The following ATP6V0A2 variants were observed in gnomAD, a reference collection of about 807,000 sequenced individuals.
The protein encoded by ATP6V0A2 is V-type proton ATPase 116 kDa subunit a 2.
ATP6V0A2 carries 58 observed loss-of-function variants against 104.4 expected under a neutral mutation model. The observed-to-expected ratio is 0.56, with a 90% CI of 0.45 to 0.69. ATP6V0A2 has a LOEUF of 0.69. Ranked by LOEUF, ATP6V0A2 falls within the 30% of genes least tolerant of loss-of-function variation. ATP6V0A2 has a pLI of 0.00. For missense variants in ATP6V0A2, 938 were observed against 1,062.9 expected (o/e 0.88, Z 1.63); for synonymous variants, 376 against 397.9 (o/e 0.95, Z 0.65).
In ATP6V0A2 at chr12:123,748,571, C is replaced by G; in HGVS notation, c.1725-4C>G. The G allele has an allele frequency of 1.2e-6, 2 of 1,610,002 alleles. No individual in the cohort carries two copies. Reference sequence around the variant, plus strand: ...TGGGTTGATTGATTCCTTTTCTTTCCTAGGCACTTCAGGAAGAAGTTCAAC... The same window carrying G: ...TGGGTTGATTGATTCCTTTTCTTTCGTAGGCACTTCAGGAAGAAGTTCAAC... On this transcript the variant is annotated splice_polypyrimidine_tract_variant and splice_region_variant and intron_variant, in intron 14 of 19. Coordinates refer to ENST00000330342, the MANE Select transcript of ATP6V0A2 (RefSeq NM_012463.4).
At chr12:123,727,537 A>T (rs1037174962) in intron 5 of ATP6V0A2, among the ~76,000 whole-genome samples, 4 of 152,156 alleles carry the variant, frequency 2.6e-5, no homozygotes, top group African/African-American at 9.7e-5. Flanking sequence ...TCGGCCTCCC[A>T]AAGTGCTGGG....
rs754014350 is a variant in ATP6V0A2 at position 123,756,815 on chromosome 12, A to G, written c.2294A>G (p.Gln765Arg). ...RLWALSLAHA[Q>R]LSDVLWAMLM... is the part of the protein sequence containing the mutation. Reference sequence around the variant, plus strand: ...CTGTGCAGGCTGCACTCCTTTGCAGAGTTGTCTGATGTCCTGTGGGCCATG... The same window carrying G: ...CTGTGCAGGCTGCACTCCTTTGCAGGGTTGTCTGATGTCCTGTGGGCCATG... The change falls in exon 19 of 20, where the codon CAG (glutamine) becomes CGG (arginine). Residue 765 changes from glutamine (Q) to arginine (R), a missense_variant and splice_region_variant. Transcript: ENST00000330342. 9 of 1,613,632 alleles carry G rather than the reference A, an allele frequency of 5.6e-6. No homozygotes were observed. Among genetic ancestry groups the G allele is most frequent in the Non-Finnish European group, 6.8e-6 (8 of 1,180,026 alleles).
chr12:123,731,516 G>A (rs1566279805), intron 6 of ATP6V0A2: 1 of 152,206 alleles, frequency 6.6e-6, no homozygotes, highest in South Asian at 2.1e-4. Context: ...GCCTTAAGTG[G>A]TTGTGTTCCT....
chr12:123,733,907 C>G lies in ATP6V0A2; in HGVS notation c.649-19C>G, dbSNP rs542748635. The G allele has an allele frequency of 1.3e-6, 2 of 1,576,378 alleles. No homozygotes were observed. Among genetic ancestry groups the G allele is most frequent in the East Asian group, 4.5e-5 (2 of 44,674 alleles). ...TTATACACGCAGAAATAACACTTAT[C>G]CTTATTCATTCTTTGTAGGGGGAAG... On this transcript the variant is annotated intron_variant, in intron 6 of 19. Transcript: ENST00000330342.
rs544330341 is a variant in ATP6V0A2, at chr12:123,760,716, C to CT, written c.*2685dup. 2 of 152,292 alleles carry CT rather than the reference C, an allele frequency of 1.3e-5. No individual in the cohort carries two copies. The highest frequency in any genetic ancestry group is 4.1e-4 in the South Asian group (2 of 4,822). The allele number at this position is 152,292 out of a possible 1,614,324, so 9.4% of individuals were successfully genotyped here. On this transcript the variant is annotated 3_prime_UTR_variant, in exon 20 of 20. Coordinates refer to ENST00000330342, the MANE Select transcript of ATP6V0A2 (RefSeq NM_012463.4). ...TTGATTCAACCTGCTGGGCTGGAGACTGTAATTGCCGTGGTCAGTTAAGGA... is the reference window on the plus strand; with the variant it reads ...TTGATTCAACCTGCTGGGCTGGAGACTTGTAATTGCCGTGGTCAGTTAAGGA...
In ATP6V0A2 at chr12:123,712,609, T is replaced by A. The variant is rs781412434; in HGVS notation, c.44T>A (p.Leu15His). The A allele has an allele frequency of 2.5e-6, 4 of 1,605,064 alleles. No homozygotes were observed. Among genetic ancestry groups the A allele is most frequent in the Non-Finnish European group, 1.7e-6 (2 of 1,176,908 alleles). ...AGCGAGACCATGTGCCTGGCGCAGC[T>A]CTTCCTGCAGTCGGGCACGGCCTAC... ...FRSETMCLAQ[L>H]FLQSGTAYEC... The change falls in exon 1 of 20, where the codon CTC (leucine) becomes CAC (histidine). Residue 15 changes from leucine to histidine, a missense_variant. Physicochemically the swap from Leu to His is moderately conservative, Grantham distance 99 (BLOSUM62 -3). Transcript: ENST00000330342.
At position 123,760,690 on chromosome 12, in the gene ATP6V0A2, T is replaced by A. The variant is rs960144073; in HGVS notation, c.*2658T>A. ...AAGGGATTTCTTCAGTAAACTAGAC[T>A]TTGATTCAACCTGCTGGGCTGGAGA... On this transcript the variant is annotated 3_prime_UTR_variant, in exon 20 of 20. Coordinates refer to ENST00000330342, the MANE Select transcript of ATP6V0A2 (RefSeq NM_012463.4). 2.0e-5 allele frequency: 3 copies of A among 152,222 alleles called. No individual in the cohort carries two copies. The highest frequency in any genetic ancestry group is 7.2e-5 in the African/African-American group (3 of 41,460). The allele number at this position is 152,222 out of a possible 1,614,324, so 9.4% of individuals were successfully genotyped here.
chr12:123,754,407 T>C lies in ATP6V0A2; in HGVS notation c.2176-13T>C, dbSNP rs1365312890. ...ATCATGACTCTTAACATATGTTGTG[T>C]GATCTCTCTCAGTTTAATTTTGGAG... On this transcript the variant is annotated splice_polypyrimidine_tract_variant and intron_variant, in intron 17 of 19. Coordinates refer to ENST00000330342, the MANE Select transcript of ATP6V0A2 (RefSeq NM_012463.4). 1.9e-6 allele frequency: 3 copies of C among 1,563,660 alleles called. No homozygotes were observed. Among genetic ancestry groups the C allele is most frequent in the Admixed American group, 3.3e-5 (2 of 59,978 alleles).
chr12:123,759,571 A>G lies in ATP6V0A2; in HGVS notation c.*1539A>G, dbSNP rs1956791588. 1 of 152,194 alleles carries G rather than the reference A, an allele frequency of 6.6e-6. No homozygotes were observed. The highest frequency in any genetic ancestry group is 6.5e-5 in the Admixed American group (1 of 15,286). 9.4% of individuals were successfully genotyped at this position (152,194 alleles called of 1,614,324 possible). A position where few individuals can be genotyped will look rare whatever the true frequency, so the allele number is the denominator to read the frequency against. Reference sequence around the variant, plus strand: ...TTTAGACAATTATTTTCAAAAAGAAACCTGACTTTTTTTCACCTTCTTGAC... The same window carrying G: ...TTTAGACAATTATTTTCAAAAAGAAGCCTGACTTTTTTTCACCTTCTTGAC... On this transcript the variant is annotated 3_prime_UTR_variant, in exon 20 of 20. Coordinates refer to ENST00000330342, the MANE Select transcript of ATP6V0A2 (RefSeq NM_012463.4).
intron 16 of ATP6V0A2, 106 bp downstream of exon 16, chr12:123,751,335 T>A: frequency 6.5e-7 from 1 of 1,541,854 alleles, no homozygotes; most frequent in Non-Finnish European, 8.9e-7. Context: ...TCTCTTGATT[T>A]AAAAGCCAAA....
chr12:123,718,195 A>T (rs1408800599), intron 1 of ATP6V0A2, among the ~76,000 whole-genome samples: 1 of 151,342 alleles, frequency 6.6e-6, no homozygotes, highest in African/African-American at 2.4e-5. Context: ...GGTTCAAGCA[A>T]TTTTTCCACC....
intron 1 of ATP6V0A2, among the ~76,000 whole-genome samples, chr12:123,713,056 G>A (rs188232796): frequency 6.6e-6 from 1 of 152,276 alleles, no homozygotes; most frequent in Admixed American, 6.5e-5. Context: ...AACCAGAAAA[G>A]GTTTGCCATA....
chr12:123,715,374 C>G (rs778090886), intron 1 of ATP6V0A2, among the ~76,000 whole-genome samples: 3 of 151,952 alleles, frequency 2.0e-5, no homozygotes, highest in Non-Finnish European at 2.9e-5. Flanking sequence ...GTTCGACCTC[C>G]AGAAATGAAT....
chr12:123,735,973 A>G (rs1038752886), intron 8 of ATP6V0A2, among the ~76,000 whole-genome samples: 1 of 151,984 alleles, frequency 6.6e-6, no homozygotes, highest in Non-Finnish European at 1.5e-5. Context: ...CCTGGGTTCA[A>G]GCGATTCTCC....
chr12:123,731,256 G>A (rs1312467087), intron 6 of ATP6V0A2: 1 of 152,198 alleles, frequency 6.6e-6, no homozygotes. Context: ...GGGTAAGATA[G>A]GGGTATTTTA....
At chr12:123,737,383 G>T in intron 9 of ATP6V0A2, 112 bp downstream of exon 9, 1 of 1,004,502 alleles carries the variant, frequency 1.0e-6, no homozygotes, top group Non-Finnish European at 1.5e-6. Context: ...AATGCAGTGT[G>T]TTGACTCTTC....
chr12:123,737,457 C>T, intron 9 of ATP6V0A2, 186 bp downstream of exon 9: 1 of 656,876 alleles, frequency 1.5e-6, no homozygotes, highest in South Asian at 1.7e-5. Flanking sequence ...CTGTGTTGCC[C>T]AGGCTGGTCT....
chr12:123,732,591 C>T (rs1039535972), intron 6 of ATP6V0A2: 2 of 151,926 alleles, frequency 1.3e-5, no homozygotes, highest in Admixed American at 6.6e-5. Flanking sequence ...TTGGAAGTCT[C>T]TTCTCCCAGT....
rs1956788414 is a variant in ATP6V0A2 at position 123,759,010 on chromosome 12, T to C, written c.*978T>C. On this transcript the variant is annotated 3_prime_UTR_variant, in exon 20 of 20. Transcript: ENST00000330342. ...CCTTACATAAAACCAGTTATGATAA[T>C]TGTATGTTTGGAAGATAAATTGTAT... The C allele has an allele frequency of 6.6e-6, 1 of 152,622 alleles. No individual in the cohort carries two copies. The highest frequency in any genetic ancestry group is 6.5e-5 in the Admixed American group (1 of 15,280). The allele number at this position is 152,622 out of a possible 1,614,324, so 9.5% of individuals were successfully genotyped here.
Sources: allele counts gnomAD v4.1 joint callset (sites outside exome capture counted in the v4.1 genomes callset), GRCh38; gene constraint gnomAD v4.1.1; transcripts MANE v1.5; gene names NCBI Gene and HGNC (gene_info 2026-07-23, HGNC 2026-07-21).